The following DNAJC5B variants were observed in gnomAD, a reference collection of about 807,000 sequenced individuals.
DNAJC5B encodes the protein dnaJ homolog subfamily C member 5B.
In DNAJC5B, 23 loss-of-function variants were observed where a neutral mutation model predicts 24.7. That is an observed-to-expected ratio of 0.93 (90% CI 0.67 to 1.32). The LOEUF is 1.32. Among genes scored for constraint, DNAJC5B ranks in the 40% most tolerant of loss-of-function variants. The probability of loss-of-function intolerance (pLI) is 0.00; values close to 1 mark genes in which losing one functional copy is unlikely to be tolerated. For synonymous variants in DNAJC5B, 101 were observed against 90.1 expected, an observed-to-expected ratio of 1.12 and a Z score of -0.68; for missense variants, 238 against 240.8, an observed-to-expected ratio of 0.99 and a Z score of 0.08.
intron 1 of DNAJC5B, among the ~76,000 whole-genome samples, chr8:66,030,172 C>T (rs1806329560): frequency 6.6e-6 from 1 of 152,144 alleles, no homozygotes; most frequent in African/African-American, 2.4e-5. Flanking sequence ...AGTCTTCTGC[C>T]AGCCGGGTTA....
chr8:66,082,029 G>A (rs572269305), intron 5 of DNAJC5B, among the ~76,000 whole-genome samples: 113 of 152,142 alleles, frequency 7.4e-4, no homozygotes, highest in African/African-American at 2.6e-3. Flanking sequence ...GAAAAGGTCC[G>A]TGACATTGAC....
chr8:66,040,077 A>G (rs1370198189), intron 1 of DNAJC5B, among the ~76,000 whole-genome samples: 3 of 152,194 alleles, frequency 2.0e-5, no homozygotes, highest in Non-Finnish European at 2.9e-5. Context: ...GATGATTTTT[A>G]GGGGAGACAT....
chr8:66,053,711 C>T (rs1806901896), intron 3 of DNAJC5B, among the ~76,000 whole-genome samples: 1 of 151,630 alleles, frequency 6.6e-6, no homozygotes, highest in Non-Finnish European at 1.5e-5. Context: ...CTCACCGCAA[C>T]CTCCGCCTCC....
At chr8:66,087,974 C>T (rs1046417569) in intron 5 of DNAJC5B, among the ~76,000 whole-genome samples, 1 of 152,216 alleles carries the variant, frequency 6.6e-6, no homozygotes, top group African/African-American at 2.4e-5. Flanking sequence ...TAGGCAGTGC[C>T]CCAGTAGGGA....
At chr8:66,024,585 C>T (rs1212144369) in intron 1 of DNAJC5B, among the ~76,000 whole-genome samples, 1 of 91,242 alleles carries the variant, frequency 1.1e-5, no homozygotes, top group Non-Finnish European at 2.1e-5. Context: ...CCTCCCCCGA[C>T]CCCACCACAG....
chr8:66,059,699 G>A (rs1317914176), intron 3 of DNAJC5B, among the ~76,000 whole-genome samples: 1 of 152,160 alleles, frequency 6.6e-6, no homozygotes, highest in South Asian at 2.1e-4. Context: ...CAGGGCGTGG[G>A]AGGCAGTTCA....
chr8:66,056,146 C>T (rs767275867), intron 3 of DNAJC5B, among the ~76,000 whole-genome samples: 1 of 152,056 alleles, frequency 6.6e-6, no homozygotes. Context: ...ATTTTATAAT[C>T]CCCTCCACCC....
At chr8:66,046,281 C>T (rs1806721143) in intron 2 of DNAJC5B, among the ~76,000 whole-genome samples, 1 of 152,156 alleles carries the variant, frequency 6.6e-6, no homozygotes, top group Non-Finnish European at 1.5e-5. Context: ...AGTCCACGTG[C>T]AGGCTCAGTG....
chr8:66,070,428 G>T lies in DNAJC5B; in HGVS notation c.120-6232G>T, dbSNP rs139300906. ...TATATACCAATAACAGACAGAGAGC[G>T]AAATCATGAGTGAACTCCCTTTCAC... On this transcript the variant is annotated intron_variant, in intron 3 of 5. Transcript: ENST00000276570. 2.0e-5 allele frequency among the ~76,000 whole-genome samples: 3 copies of T among 151,916 alleles called. No individual in the cohort carries two copies. In the South Asian group the frequency reaches 6.2e-4, roughly 32 times the overall value.
chr8:66,015,554 TGAGA>T, the DNAJC5B span, among the ~76,000 whole-genome samples: 15 of 149,138 alleles, frequency 1.0e-4, no homozygotes, highest in East Asian at 6.0e-4. Context: ...GAGCGAGAAA[TGAGA>T]GAGAGAGAGA....
chr8:66,018,014 C>T (rs1171278633), upstream of DNAJC5B, among the ~76,000 whole-genome samples: 1 of 152,128 alleles, frequency 6.6e-6, no homozygotes, highest in African/African-American at 2.4e-5. Flanking sequence ...TTTGGAAATG[C>T]TTTTAGAGCG....
chr8:66,088,773 A>T (rs915696531), intron 5 of DNAJC5B, among the ~76,000 whole-genome samples: 1 of 152,162 alleles, frequency 6.6e-6, no homozygotes. Context: ...TTCAGTTCCC[A>T]ACAAGTTCCT....
chr8:66,079,618 C>G (rs192445381), intron 4 of DNAJC5B, among the ~76,000 whole-genome samples: 78 of 152,282 alleles, frequency 5.1e-4, no homozygotes, highest in African/African-American at 1.8e-3. Flanking sequence ...TGTGCTGGTG[C>G]AGGGAGGCAT....
chr8:66,015,134 A>G, the DNAJC5B span, among the ~76,000 whole-genome samples: 1 of 152,178 alleles, frequency 6.6e-6, no homozygotes, highest in Non-Finnish European at 1.5e-5. Flanking sequence ...ACTACACATA[A>G]TCCATTCCCC....
chr8:66,056,556 A>G (rs566797911), intron 3 of DNAJC5B: 2 of 152,290 alleles, frequency 1.3e-5, no homozygotes, highest in Admixed American at 1.3e-4. Context: ...GACAAACCAA[A>G]CAAACCAAAG....
chr8:66,076,904 C>T lies in DNAJC5B; in HGVS notation c.333+31C>T, dbSNP rs764813466. The T allele has an allele frequency of 8.7e-6, 14 of 1,607,890 alleles. No individual in the cohort carries two copies. The African/African-American group carries it at 1.6e-4, about 18-fold the overall frequency. On this transcript the variant is annotated intron_variant, in intron 4 of 5. Coordinates refer to ENST00000276570, the MANE Select transcript of DNAJC5B (RefSeq NM_033105.6). ...ACTGAATTTCCTTTCTTCACAATCT[C>T]CTGTAAGACCATGATATTAATCACT...
At chr8:66,069,257 C>T (rs1024468135) in intron 3 of DNAJC5B, among the ~76,000 whole-genome samples, 3 of 151,712 alleles carry the variant, frequency 2.0e-5, no homozygotes, top group African/African-American at 7.3e-5. Flanking sequence ...AGACCAAATG[C>T]TTCAATTAAA....
upstream of DNAJC5B, among the ~76,000 whole-genome samples, chr8:66,020,649 TGTG>T (rs1425379305): frequency 7.9e-6 from 1 of 126,250 alleles, no homozygotes; most frequent in Non-Finnish European, 1.6e-5. Flanking sequence ...TGTGTGTGTG[TGTG>T]TTTTAGACAA....
intron 2 of DNAJC5B, among the ~76,000 whole-genome samples, chr8:66,045,882 T>C (rs1173531764): frequency 6.6e-6 from 1 of 152,168 alleles, no homozygotes; most frequent in Admixed American, 6.5e-5. Context: ...AAAGCATGAA[T>C]GCTAACGTTA....
Sources: gnomAD v4.1 joint callset for allele counts (sites outside exome capture counted in the v4.1 genomes callset) on GRCh38, gnomAD v4.1.1 for gene constraint, MANE v1.5 for transcripts, NCBI Gene and HGNC (gene_info 2026-07-23, HGNC 2026-07-21) for gene names.